The following RAPGEF6 variants were observed in gnomAD, a reference collection of about 807,000 sequenced individuals.
RAPGEF6 encodes Rap guanine nucleotide exchange factor 6, also known as PDZ domain containing guanine nucleotide exchange factor (GEF) 2.
A neutral mutation model predicts 171.4 loss-of-function variants in RAPGEF6; 56 were observed. The observed-to-expected ratio is 0.33, with a 90% confidence interval of 0.26 to 0.41. The LOEUF (loss-of-function observed/expected upper bound fraction) is 0.41, where lower values mean the gene tolerates loss of function less well. RAPGEF6 is among the 10% of genes least tolerant of loss of function. RAPGEF6 has a pLI of 1.00. For missense variants in RAPGEF6, 1,674 were observed against 1,921.4 expected (o/e 0.87, Z 2.41); for synonymous variants, 692 against 650.1 (o/e 1.06, Z -0.98).
At chr5:131,619,562 T>G (rs1765485502) in intron 1 of RAPGEF6, among the ~76,000 whole-genome samples, 1 of 152,186 alleles carries the variant, frequency 6.6e-6, no homozygotes, top group Non-Finnish European at 1.5e-5. Flanking sequence ...ACCACTGAAA[T>G]TACAACGTAT....
chr5:131,627,160 G>T (rs576534659), intron 1 of RAPGEF6, among the ~76,000 whole-genome samples: 1 of 152,192 alleles, frequency 6.6e-6, no homozygotes, highest in Non-Finnish European at 1.5e-5. Context: ...ACAGCAACTC[G>T]GCCAGCTGCC....
In RAPGEF6 at chr5:131,592,516, T is replaced by C. The variant is rs765183638; in HGVS notation, c.198-50A>G. On this transcript the variant is annotated intron_variant, in intron 3 of 27. Coordinates refer to ENST00000509018, the MANE Select transcript of RAPGEF6 (RefSeq NM_016340.6). The stretch of plus-strand genomic sequence containing the variant: ...ATGAGCAAAACAACACACATGTTCA[T>C]ATGTATATGAATTCAATAAGAAATA... The C allele has an allele frequency of 8.9e-6, 14 of 1,581,886 alleles. No homozygotes were observed. In the Admixed American group the frequency reaches 2.1e-4, roughly 24 times the overall value.
At chr5:131,593,087 C>G (rs1355772173) in intron 3 of RAPGEF6, among the ~76,000 whole-genome samples, 1 of 152,140 alleles carries the variant, frequency 6.6e-6, no homozygotes, top group Admixed American at 6.5e-5. Flanking sequence ...CACAGAGTCA[C>G]TAGTAAACAG....
At chr5:131,513,664 G>A (rs1757888387) in intron 7 of RAPGEF6, among the ~76,000 whole-genome samples, 1 of 152,148 alleles carries the variant, frequency 6.6e-6, no homozygotes, top group East Asian at 1.9e-4. Context: ...ACTTTTTTAG[G>A]AACCTTTTAA....
chr5:131,493,027 C>CA (rs1040151313), intron 13 of RAPGEF6, among the ~76,000 whole-genome samples: 1 of 151,862 alleles, frequency 6.6e-6, no homozygotes, highest in African/African-American at 2.4e-5. Context: ...AGAGACATGA[C>CA]AAAAAATTAC....
chr5:131,525,636 C>T (rs1330632289), intron 6 of RAPGEF6, among the ~76,000 whole-genome samples: 3 of 147,078 alleles, frequency 2.0e-5, no homozygotes, highest in African/African-American at 7.6e-5. Context: ...GACCTTCCTC[C>T]CACTTAGTTT....
intron 16 of RAPGEF6, 46 bp downstream of exon 16, chr5:131,479,467 C>T: frequency 6.3e-7 from 1 of 1,596,240 alleles, no homozygotes. Context: ...AAAAACTTTA[C>T]AGTGAAGATG....
intron 4 of RAPGEF6, among the ~76,000 whole-genome samples, chr5:131,587,439 C>G (rs1485316772): frequency 6.6e-6 from 1 of 152,132 alleles, no homozygotes; most frequent in Non-Finnish European, 1.5e-5. Context: ...GGCATGGAAG[C>G]TGCTTCTAGG....
intron 24 of RAPGEF6, among the ~76,000 whole-genome samples, chr5:131,434,749 G>A (rs543802919): frequency 2.6e-5 from 4 of 152,290 alleles, no homozygotes; most frequent in East Asian, 1.9e-4. Flanking sequence ...TTCTAGGGAC[G>A]CACTGAGGTG....
chr5:131,562,794 C>A (rs192776629), intron 4 of RAPGEF6, among the ~76,000 whole-genome samples: 2 of 151,798 alleles, frequency 1.3e-5, no homozygotes, highest in African/African-American at 4.8e-5. Flanking sequence ...TTTCCAGGAT[C>A]AGCAGTTGCT....
chr5:131,538,797 A>G (rs1397351546), intron 6 of RAPGEF6, among the ~76,000 whole-genome samples: 1 of 152,218 alleles, frequency 6.6e-6, no homozygotes, highest in East Asian at 1.9e-4. Context: ...AAATTAAAAC[A>G]AAATCTGCTC....
At chr5:131,471,701 T>C (rs1261035737) in intron 17 of RAPGEF6, among the ~76,000 whole-genome samples, 1 of 152,116 alleles carries the variant, frequency 6.6e-6, no homozygotes, top group Non-Finnish European at 1.5e-5. Flanking sequence ...CTTTAGATTA[T>C]ATAACTGTGA....
At chr5:131,489,877 A>T (rs1422426539) in intron 14 of RAPGEF6, among the ~76,000 whole-genome samples, 1 of 151,836 alleles carries the variant, frequency 6.6e-6, no homozygotes, top group African/African-American at 2.4e-5. Flanking sequence ...TTGACAGTTA[A>T]TGCCCTCTGG....
chr5:131,577,252 C>A (rs941667929), intron 4 of RAPGEF6, among the ~76,000 whole-genome samples: 2 of 152,158 alleles, frequency 1.3e-5, no homozygotes, highest in African/African-American at 2.4e-5. Context: ...TCCAGTGGAA[C>A]CTTCATTCCC....
intron 6 of RAPGEF6, chr5:131,532,040 G>A (rs1029472): frequency 0.91 from 362,786 of 397,084 alleles, 166,574 homozygotes; most frequent in African/African-American, 0.99. Context: ...CTCATTTACA[G>A]TTCAAAATAA....
chr5:131,461,557 A>G, intron 19 of RAPGEF6, 148 bp downstream of exon 19: 2 of 793,190 alleles, frequency 2.5e-6, no homozygotes, highest in Non-Finnish European at 3.6e-6. Context: ...TACCACCAAA[A>G]TGGAAAATAC....
chr5:131,502,516 T>C (rs1757092653), intron 11 of RAPGEF6, among the ~76,000 whole-genome samples: 1 of 152,246 alleles, frequency 6.6e-6, no homozygotes, highest in Non-Finnish European at 1.5e-5. Context: ...GTGTGCCCTC[T>C]GAGTTTTGTG....
intron 4 of RAPGEF6, among the ~76,000 whole-genome samples, chr5:131,578,104 C>T (rs970528150): frequency 6.6e-6 from 1 of 152,116 alleles, no homozygotes. Context: ...TTCCTCAAAC[C>T]GCCACCCTTA....
intron 24 of RAPGEF6, chr5:131,436,049 T>C: frequency 6.5e-7 from 1 of 1,537,478 alleles, no homozygotes; most frequent in Non-Finnish European, 8.7e-7. Context: ...GCACTCCCTT[T>C]CTCATCTTTG....
Sources: gnomAD v4.1 joint callset for allele counts (sites outside exome capture counted in the v4.1 genomes callset) on GRCh38, gnomAD v4.1.1 for gene constraint, MANE v1.5 for transcripts, NCBI Gene and HGNC (gene_info 2026-07-23, HGNC 2026-07-21) for gene names.